Variants in ITFG1 observed in about 807,000 individuals in gnomAD.
ITFG1 encodes integrin alpha FG-GAP repeat containing 1.
In ITFG1, 34 loss-of-function variants were observed where a neutral mutation model predicts 81.8. The observed-to-expected ratio is 0.42, with a 90% confidence interval of 0.32 to 0.55. ITFG1 has a LOEUF of 0.55. ITFG1 is among the 20% of genes least tolerant of loss of function. ITFG1 has a pLI of 0.17. For synonymous variants in ITFG1, 285 were observed against 270.6 expected (o/e 1.05, Z -0.52); for missense variants, 672 against 755.4 (o/e 0.89, Z 1.29).
intron 6 of ITFG1, among the ~76,000 whole-genome samples, chr16:47,410,272 C>A (rs1225469505): frequency 1.3e-5 from 2 of 151,874 alleles, no homozygotes; most frequent in Non-Finnish European, 1.5e-5. Context: ...GAGACCCTGT[C>A]TCTAAAAAAA....
At chr16:47,284,697 AGAG>A (rs1290320156) in intron 10 of ITFG1, among the ~76,000 whole-genome samples, 1 of 152,226 alleles carries the variant, frequency 6.6e-6, no homozygotes, top group Non-Finnish European at 1.5e-5. Context: ...TAGAGAGTCA[AGAG>A]AAGAATGAAT....
chr16:47,447,445 T>C (rs934687187), intron 5 of ITFG1, among the ~76,000 whole-genome samples: 2 of 152,172 alleles, frequency 1.3e-5, no homozygotes, highest in African/African-American at 4.8e-5. Flanking sequence ...ACAATTTCAC[T>C]TAAATATAAT....
intron 10 of ITFG1, among the ~76,000 whole-genome samples, chr16:47,275,216 C>T (rs1399585474): frequency 1.3e-5 from 2 of 152,072 alleles, no homozygotes; most frequent in Admixed American, 6.6e-5. Context: ...CATTGAATGT[C>T]TACTTCCTGA....
intron 6 of ITFG1, among the ~76,000 whole-genome samples, chr16:47,422,460 GT>G (rs1968963314): frequency 6.6e-6 from 1 of 151,996 alleles, no homozygotes; most frequent in African/African-American, 2.4e-5. Flanking sequence ...CCCTTTTTTT[GT>G]TATGTCTCTG....
chr16:47,363,113 GGT>G (rs1968130544), intron 8 of ITFG1, among the ~76,000 whole-genome samples: 1 of 151,900 alleles, frequency 6.6e-6, no homozygotes, highest in East Asian at 1.9e-4. Flanking sequence ...TGCCCAGGCT[GGT>G]CTCAAACTCC....
chr16:47,460,735 G>A, intron 1 of ITFG1, 103 bp downstream of exon 1: 1 of 1,255,876 alleles, frequency 8.0e-7, no homozygotes, highest in Middle Eastern at 2.0e-4. Context: ...TGGGAGAGAA[G>A]GACCAGGAAA....
chr16:47,241,487 C>T (rs780139812), intron 12 of ITFG1, among the ~76,000 whole-genome samples: 13 of 152,250 alleles, frequency 8.5e-5, no homozygotes, highest in East Asian at 1.9e-4. Context: ...AAAGTACTGA[C>T]GCATATTATA....
intron 11 of ITFG1, 80 bp from the exon 12 acceptor site, chr16:47,258,820 T>C (rs1966171273): frequency 3.4e-6 from 2 of 583,376 alleles, no homozygotes. Context: ...ATGCATGGCA[T>C]ATTGTTTATA....
At chr16:47,263,512 G>A in intron 10 of ITFG1, 1 of 307,128 alleles carries the variant, frequency 3.3e-6, no homozygotes, top group Non-Finnish European at 6.5e-6. Context: ...GAGGGAGGGT[G>A]ATGTAGCTGT....
chr16:47,409,393 TA>T (rs1968774526), intron 6 of ITFG1, among the ~76,000 whole-genome samples: 185 of 16,574 alleles, frequency 0.011, 12 homozygotes, highest in Admixed American at 0.078. Context: ...TATATATATA[TA>T]TATATATATA....
chr16:47,307,815 G>C (rs1256696812), intron 10 of ITFG1, among the ~76,000 whole-genome samples: 1 of 152,040 alleles, frequency 6.6e-6, no homozygotes, highest in Admixed American at 6.5e-5. Context: ...CTCTCTAGTA[G>C]TTCCCAGTGT....
chr16:47,392,045 A>G (rs2151596136), intron 6 of ITFG1, among the ~76,000 whole-genome samples: 1 of 152,330 alleles, frequency 6.6e-6, no homozygotes, highest in South Asian at 2.1e-4. Context: ...AGAGAAAAAT[A>G]AAGATAAGAA....
chr16:47,241,327 C>G (rs1965931095), intron 12 of ITFG1, among the ~76,000 whole-genome samples: 1 of 152,084 alleles, frequency 6.6e-6, no homozygotes, highest in African/African-American at 2.4e-5. Flanking sequence ...AACATATATC[C>G]AAACAGAAAT....
chr16:47,371,027 T>C (rs1472383198), intron 7 of ITFG1, among the ~76,000 whole-genome samples: 1 of 152,230 alleles, frequency 6.6e-6, no homozygotes, highest in Non-Finnish European at 1.5e-5. Context: ...TACTGTGATG[T>C]TCTTACCGAT....
chr16:47,243,030 T>C (rs1482079955), intron 12 of ITFG1, among the ~76,000 whole-genome samples: 2 of 152,174 alleles, frequency 1.3e-5, no homozygotes, highest in Admixed American at 1.3e-4. Context: ...ATATATGTAT[T>C]CTTTAACAAT....
chr16:47,402,441 G>C (rs956144647), intron 6 of ITFG1, among the ~76,000 whole-genome samples: 7 of 152,152 alleles, frequency 4.6e-5, no homozygotes, highest in Non-Finnish European at 7.4e-5. Flanking sequence ...TTTTACAAAT[G>C]AGACAGTCTC....
intron 3 of ITFG1, 115 bp downstream of exon 3, chr16:47,453,898 T>A: frequency 1.4e-6 from 1 of 698,536 alleles, no homozygotes. Flanking sequence ...GAAAAAAGGT[T>A]TTACAATTAT....
At chr16:47,337,924 G>T (rs1037313784) in intron 8 of ITFG1, among the ~76,000 whole-genome samples, 15 of 152,236 alleles carry the variant, frequency 9.9e-5, no homozygotes, top group Non-Finnish European at 2.2e-4. Context: ...AGTCTGCAAA[G>T]ACTGGGAAAT....
chr16:47,352,323 A>G (rs1967971858), intron 8 of ITFG1, among the ~76,000 whole-genome samples: 1 of 152,248 alleles, frequency 6.6e-6, no homozygotes, highest in Non-Finnish European at 1.5e-5. Flanking sequence ...ACAAAGGGGT[A>G]ATATCCCAAA....
Sources: allele counts gnomAD v4.1 joint callset (sites outside exome capture counted in the v4.1 genomes callset), GRCh38; gene constraint gnomAD v4.1.1; transcripts MANE v1.5; gene names NCBI Gene and HGNC (gene_info 2026-07-23, HGNC 2026-07-21).